Variants in TICAM2 observed in about 807,000 individuals in gnomAD.
TICAM2 encodes TIR domain containing adaptor molecule 2.
TICAM2 carries 8 observed loss-of-function variants against 7.3 expected under a neutral mutation model. That is an observed-to-expected ratio of 1.10 (90% CI 0.65 to 1.99). The LOEUF (loss-of-function observed/expected upper bound fraction) is 1.99, where lower values mean the gene tolerates loss of function less well. Among genes scored for constraint, TICAM2 ranks in the 30% most tolerant of loss-of-function variants. The probability of loss-of-function intolerance (pLI) is 0.00; values close to 1 mark genes in which losing one functional copy is unlikely to be tolerated. For missense variants in TICAM2, 304 were observed against 278.8 expected (o/e 1.09, Z -0.65); for synonymous variants, 113 against 99.6 (o/e 1.13, Z -0.80).
chr5:115,586,615 A>C (rs1045279807), intron 1 of TICAM2, among the ~76,000 whole-genome samples: 3 of 152,186 alleles, frequency 2.0e-5, no homozygotes, highest in Admixed American at 2.0e-4. Context: ...GTGACCGATG[A>C]ATGTAGCAAT....
intron 1 of TICAM2, among the ~76,000 whole-genome samples, chr5:115,599,653 G>A (rs1357641409): frequency 6.6e-6 from 1 of 152,130 alleles, no homozygotes; most frequent in Non-Finnish European, 1.5e-5. Flanking sequence ...AACCCCTGAG[G>A]CAGCATGCTA....
chr5:115,592,632 T>G (rs1755350960), intron 1 of TICAM2, among the ~76,000 whole-genome samples: 1 of 151,988 alleles, frequency 6.6e-6, no homozygotes, highest in South Asian at 2.1e-4. Flanking sequence ...GAGGAAACAT[T>G]CCCCAACTCA....
chr5:115,582,890 A>G (rs1295235314), intron 1 of TICAM2, among the ~76,000 whole-genome samples: 1 of 152,242 alleles, frequency 6.6e-6, no homozygotes, highest in Admixed American at 6.5e-5. Context: ...AAAAAAACAG[A>G]GAATTTCATT....
chr5:115,599,722 G>A (rs1021412008), intron 1 of TICAM2, among the ~76,000 whole-genome samples: 1 of 152,182 alleles, frequency 6.6e-6, no homozygotes, highest in African/African-American at 2.4e-5. Flanking sequence ...TGCAGGCAAA[G>A]GCAACAGCAG....
Position 115,581,060 on chromosome 5 carries a change from T to C in TICAM2, c.197A>G (p.Glu66Gly). 8.1e-6 allele frequency: 13 copies of C among 1,614,184 alleles called. No homozygotes were observed. Among genetic ancestry groups the C allele is most frequent in the Non-Finnish European group, 1.1e-5 (13 of 1,180,024 alleles). The change falls in exon 2 of 2, where the codon GAA becomes GGA. Residue 66 changes from glutamate (E) to glycine (G), a missense_variant. Physicochemically the swap from Glu to Gly is moderately conservative, Grantham distance 98. Transcript: ENST00000427199. ...TGKQEGAQSV[E>G]EMFEEEAEEE... is the part of the protein sequence containing the mutation. ...TTCAGCTTCTTCTTCAAACATCTCT[T>C]CCACGCTCTGAGCTCCCTCCTGCTT...
intron 1 of TICAM2, among the ~76,000 whole-genome samples, chr5:115,593,519 G>A (rs1755390559): frequency 6.6e-6 from 1 of 151,900 alleles, no homozygotes; most frequent in African/African-American, 2.4e-5. Context: ...AAATATAAAA[G>A]GAAAGTACTA....
chr5:115,600,843 G>C (rs577485906), intron 1 of TICAM2, among the ~76,000 whole-genome samples: 1 of 152,230 alleles, frequency 6.6e-6, no homozygotes, highest in Admixed American at 6.5e-5. Flanking sequence ...GCAAAGTAGG[G>C]GAGCGGGACC....
At chr5:115,588,865 C>T (rs904737324) in intron 1 of TICAM2, among the ~76,000 whole-genome samples, 4 of 152,148 alleles carry the variant, frequency 2.6e-5, no homozygotes, top group African/African-American at 7.2e-5. Flanking sequence ...TCTGAGTATG[C>T]CAAAAGCCCC....
In TICAM2 at chr5:115,580,660, A is replaced by C; in HGVS notation, c.597T>G (p.Ser199Arg). Residue 199 changes from serine to arginine, a missense_variant, in exon 2 of 2, where the codon AGT (serine) becomes AGG (arginine). Ser to Arg is a moderately radical substitution (Grantham distance 110). Transcript: ENST00000427199. ...TTTCTACTTGTGTAGGAAATCCACG[A>C]CTTTCTTCCTCTAAGGCATTGATGG... is the stretch of plus-strand genomic sequence containing the variant. Reference protein sequence around the residue: ...LQTINALEEESRGFPTQVERI... With the variant: ...LQTINALEEERRGFPTQVERI... The C allele has an allele frequency of 6.3e-7, 1 of 1,582,004 alleles. No individual in the cohort carries two copies. Among genetic ancestry groups the C allele is most frequent in the Non-Finnish European group, 8.6e-7 (1 of 1,168,992 alleles).
chr5:115,594,509 T>C (rs1755433205), intron 1 of TICAM2, among the ~76,000 whole-genome samples: 1 of 152,256 alleles, frequency 6.6e-6, no homozygotes. Flanking sequence ...GACTAAGTTC[T>C]GTCATTGGCT....
chr5:115,591,668 T>A (rs1755308034), intron 1 of TICAM2, among the ~76,000 whole-genome samples: 1 of 151,620 alleles, frequency 6.6e-6, no homozygotes, highest in Admixed American at 6.6e-5. Flanking sequence ...TTAGATTAGA[T>A]CAGCAGCAGA....
chr5:115,597,920 T>A (rs1402424209), intron 1 of TICAM2, among the ~76,000 whole-genome samples: 1 of 152,122 alleles, frequency 6.6e-6, no homozygotes, highest in African/African-American at 2.4e-5. Flanking sequence ...GCCAAGTGAA[T>A]ACCAAAAAGG....
intron 1 of TICAM2, among the ~76,000 whole-genome samples, chr5:115,589,032 C>A (rs1580411516): frequency 6.6e-6 from 1 of 152,198 alleles, no homozygotes; most frequent in Non-Finnish European, 1.5e-5. Flanking sequence ...ATTCTGTTGT[C>A]CACAACTAAA....
chr5:115,584,938 G>A (rs1755050540), intron 1 of TICAM2, among the ~76,000 whole-genome samples: 1 of 152,086 alleles, frequency 6.6e-6, no homozygotes, highest in Non-Finnish European at 1.5e-5. Context: ...AATATGCTAT[G>A]GTGAATATGT....
chr5:115,582,414 C>A (rs1754962364), intron 1 of TICAM2, among the ~76,000 whole-genome samples: 2 of 148,844 alleles, frequency 1.3e-5, no homozygotes, highest in South Asian at 2.1e-4. Flanking sequence ...CTCAAGCAAT[C>A]CTCCCGCCTC....
chr5:115,593,241 A>G (rs964710764), intron 1 of TICAM2, among the ~76,000 whole-genome samples: 1 of 152,212 alleles, frequency 6.6e-6, no homozygotes, highest in Non-Finnish European at 1.5e-5. Context: ...AAAAACTCTT[A>G]GCAAACTGGA....
intron 1 of TICAM2, among the ~76,000 whole-genome samples, chr5:115,599,599 G>A (rs117562161): frequency 3.3e-5 from 5 of 152,256 alleles, no homozygotes; most frequent in East Asian, 1.9e-4. Flanking sequence ...GCAACCTACC[G>A]CACAGGCCCA....
At chr5:115,594,283 C>T (rs1755422916) in intron 1 of TICAM2, among the ~76,000 whole-genome samples, 1 of 152,210 alleles carries the variant, frequency 6.6e-6, no homozygotes, top group Non-Finnish European at 1.5e-5. Context: ...TTTGCATATG[C>T]TTGCTTTAAA....
At chr5:115,582,963 C>G (rs984636154) in intron 1 of TICAM2, among the ~76,000 whole-genome samples, 1 of 152,180 alleles carries the variant, frequency 6.6e-6, no homozygotes, top group African/African-American at 2.4e-5. Flanking sequence ...GCTGACCACT[C>G]CGTCATTCAC....
Sources: gnomAD v4.1 joint callset for allele counts (sites outside exome capture counted in the v4.1 genomes callset) on GRCh38, gnomAD v4.1.1 for gene constraint, MANE v1.5 for transcripts, NCBI Gene and HGNC (gene_info 2026-07-23, HGNC 2026-07-21) for gene names.